The following PAX2 variants were observed in gnomAD, a reference collection of about 807,000 sequenced individuals.
The protein encoded by PAX2 is paired box protein Pax-2.
Under a neutral mutation model 41.7 loss-of-function variants are expected in PAX2, and 9 were observed. That is an observed-to-expected ratio of 0.22 (90% confidence interval 0.13 to 0.38). The LOEUF is 0.38. Among genes scored for constraint, PAX2 ranks in the 10% least tolerant of loss-of-function variants. PAX2 has a pLI of 1.00. For synonymous variants in PAX2, 221 were observed against 212.7 expected (o/e 1.04, Z -0.34); for missense variants, 418 against 531.6 (o/e 0.79, Z 2.10).
chr10:100,802,258 C>T (rs1181822979), intron 5 of PAX2, among the ~76,000 whole-genome samples: 1 of 152,186 alleles, frequency 6.6e-6, no homozygotes, highest in Non-Finnish European at 1.5e-5. Context: ...GACCAGCAGC[C>T]TCCAGCCCTC....
chr10:100,751,510 G>C (rs969926008), intron 3 of PAX2, among the ~76,000 whole-genome samples: 1 of 152,248 alleles, frequency 6.6e-6, no homozygotes, highest in Non-Finnish European at 1.5e-5. Flanking sequence ...GAGAACTCCA[G>C]ACTTTGAGAC....
At position 100,750,602 on chromosome 10, in the gene PAX2, G is replaced by T; in HGVS notation, c.213-92G>T. 8.7e-7 allele frequency: 1 copy of T among 1,147,250 alleles called. No individual in the cohort carries two copies. The highest frequency in any genetic ancestry group is 1.5e-5 in the African/African-American group (1 of 65,818). The allele number at this position is 1,147,250 out of a possible 1,614,324, so 71.1% of individuals were successfully genotyped here. A position where few individuals can be genotyped will look rare whatever the true frequency, so the allele number is the denominator to read the frequency against. On this transcript the variant is annotated intron_variant, in intron 2 of 9. Coordinates refer to ENST00000355243, the MANE Select transcript of PAX2 (RefSeq NM_000278.5). This position sits in a 1 kb window ranked among gnomAD's most constrained non-coding sequence, Gnocchi z 4.1. ...CCCTCCACTCCGCTGCCTCGGCCGG[G>T]CAGGAGAGTGGCTCAGCAGCTCTGG...
Position 100,809,051 on chromosome 10 carries a change from C to T in PAX2, c.793-59C>T, listed in dbSNP as rs184960110. 5.4e-3 allele frequency: 8,360 copies of T among 1,556,480 alleles called. 26 individuals carry two copies. The highest frequency in any genetic ancestry group is 6.7e-3 in the Non-Finnish European group (7,588 of 1,130,586). ...CTGTTCCTCCTCCCCATCTGCACAC[C>T]GAGCCCTTTCTCTGTGCGTGCATCA... On this transcript the variant is annotated intron_variant, in intron 6 of 9. Coordinates refer to ENST00000355243, the MANE Select transcript of PAX2 (RefSeq NM_000278.5).
At chr10:100,763,641 T>C (rs1320602553) in intron 3 of PAX2, among the ~76,000 whole-genome samples, 3 of 152,228 alleles carry the variant, frequency 2.0e-5, no homozygotes, top group African/African-American at 7.2e-5. Flanking sequence ...CTGGTTTCTC[T>C]AAGGGAGTCC....
At chr10:100,814,981 G>A (rs1196182704) in intron 7 of PAX2, among the ~76,000 whole-genome samples, 1 of 152,224 alleles carries the variant, frequency 6.6e-6, no homozygotes. Flanking sequence ...AGTGTGAGCA[G>A]TGTGGATGTA....
rs1848690094 is a variant in PAX2 at position 100,829,072 on chromosome 10, G to C, written c.*1453G>C. The C allele has an allele frequency of 4.4e-6, 1 of 229,762 alleles. No individual in the cohort carries two copies. Among genetic ancestry groups the C allele is most frequent in the African/African-American group, 2.2e-5 (1 of 45,054 alleles). The allele number at this position is 229,762 out of a possible 1,614,324, so 14.2% of individuals were successfully genotyped here. ...CATTAAAGCACAGCACGTCCTGGGGGAGGGGGGCATTTTTTATGTTACAAA... is the reference window on the plus strand; with the variant it reads ...CATTAAAGCACAGCACGTCCTGGGGCAGGGGGGCATTTTTTATGTTACAAA... On this transcript the variant is annotated 3_prime_UTR_variant, in exon 10 of 10. Transcript: ENST00000355243.
intron 3 of PAX2, among the ~76,000 whole-genome samples, chr10:100,773,309 G>A (rs1397562214): frequency 6.6e-6 from 1 of 152,082 alleles, no homozygotes; most frequent in Non-Finnish European, 1.5e-5. Flanking sequence ...CTCTCCTGAG[G>A]AAGCATTGCT....
chr10:100,779,672 C>T (rs7901210), intron 4 of PAX2, 89 bp downstream of exon 4: 2 of 1,032,498 alleles, frequency 1.9e-6, no homozygotes, highest in East Asian at 5.2e-5. Flanking sequence ...TGCCTGCCCG[C>T]TTGAGGTCCA....
intron 5 of PAX2, among the ~76,000 whole-genome samples, chr10:100,781,596 G>C (rs1233178038): frequency 2.0e-5 from 3 of 152,220 alleles, no homozygotes; most frequent in Admixed American, 1.3e-4. Context: ...CTGCCACTAG[G>C]GCTCACCCTA....
Position 100,752,804 on chromosome 10 carries a change from G to A in PAX2, c.410+1913G>A, listed in dbSNP as rs1008593159. Among the ~76,000 whole-genome samples, 7 of 152,292 alleles carry A rather than the reference G, an allele frequency of 4.6e-5. No homozygotes were observed. In the South Asian group the frequency reaches 1.2e-3, roughly 27 times the overall value. ...ACAACATGCACTCCTCATTGGCTGA[G>A]ATGATTTTGGAAGCTGGCTTAGGCA... On this transcript the variant is annotated intron_variant, in intron 3 of 9. Transcript: ENST00000355243.
Position 100,815,096 on chromosome 10 carries a change from C to G in PAX2, c.919+5860C>G, listed in dbSNP as rs1373035070. Among the ~76,000 whole-genome samples, 3 of 152,148 alleles carry G rather than the reference C, an allele frequency of 2.0e-5. No individual in the cohort carries two copies. The East Asian group carries it at 5.8e-4, about 29-fold the overall frequency. On this transcript the variant is annotated intron_variant, in intron 7 of 9. Transcript: ENST00000355243. ...AGATAGAGGTGTGGACCCTGGGAAA[C>G]CTCCTCCTCCTACTCAGGGCATCCT...
rs564959222 is a variant in PAX2, at chr10:100,814,225, G to A, written c.919+4989G>A. Among the ~76,000 whole-genome samples, 32 of 151,922 alleles carry A rather than the reference G, an allele frequency of 2.1e-4. 1 individual carries two copies. In the South Asian group the frequency reaches 4.8e-3, roughly 23 times the overall value. On this transcript the variant is annotated intron_variant, in intron 7 of 9. Coordinates refer to ENST00000355243, the MANE Select transcript of PAX2 (RefSeq NM_000278.5). ...AAATTAGCCGGGCGTGGTGGCAGGC[G>A]CCTGTAGTCCCAGCTACTTCGGAGG...
chr10:100,809,102 C>T lies in PAX2; in HGVS notation c.793-8C>T, dbSNP rs1847901072. On this transcript the variant is annotated splice_region_variant and splice_polypyrimidine_tract_variant and intron_variant, in intron 6 of 9. Coordinates refer to ENST00000355243, the MANE Select transcript of PAX2 (RefSeq NM_000278.5). ...ATAGAGAGCTGTCACTTTTCTCTCT[C>T]CTCCCAGGGGAACGAGTACTCCCTC... is the stretch of plus-strand genomic sequence containing the variant. 2.5e-6 allele frequency: 4 copies of T among 1,613,070 alleles called. No individual in the cohort carries two copies. Among genetic ancestry groups the T allele is most frequent in the African/African-American group, 2.7e-5 (2 of 74,938 alleles).
chr10:100,806,587 G>A lies in PAX2; in HGVS notation c.774G>A (p.Glu258=). The part of the protein sequence containing the change: ...PSYPDVFQAS[E]HIKSEQGNEY... ...ACCCTGACGTCTTCCAGGCATCAGAGCACATCAAATCAGAACAGGTGAGGA... is the reference window on the plus strand; with the variant it reads ...ACCCTGACGTCTTCCAGGCATCAGAACACATCAAATCAGAACAGGTGAGGA... The change falls in exon 6 of 10, where the codon GAG becomes GAA. Residue 258 remains glutamate, a synonymous_variant. Coordinates refer to ENST00000355243, the MANE Select transcript of PAX2 (RefSeq NM_000278.5). 1 of 1,614,010 alleles carries A rather than the reference G, an allele frequency of 6.2e-7. No individual in the cohort carries two copies. Among genetic ancestry groups the A allele is most frequent in the Non-Finnish European group, 8.5e-7 (1 of 1,180,010 alleles).
In PAX2 at chr10:100,753,971, A is replaced by T. The variant is rs540450265; in HGVS notation, c.410+3080A>T. Among the ~76,000 whole-genome samples the T allele has an allele frequency of 2.6e-5, 4 of 152,270 alleles. No homozygotes were observed. The South Asian group carries it at 8.3e-4, about 32-fold the overall frequency. ...CTTGACTGGGCTCCTTAGCATGTGG[A>T]ATTTATCTGAATCTTTCTAAACATT... On this transcript the variant is annotated intron_variant, in intron 3 of 9. Coordinates refer to ENST00000355243, the MANE Select transcript of PAX2 (RefSeq NM_000278.5).
At chr10:100,769,681 A>AAAAT (rs1435987946) in intron 3 of PAX2, among the ~76,000 whole-genome samples, 1 of 150,980 alleles carries the variant, frequency 6.6e-6, no homozygotes, top group Non-Finnish European at 1.5e-5. Context: ...AAAAAATAAA[A>AAAAT]AACAAAAAAC....
intron 3 of PAX2, among the ~76,000 whole-genome samples, chr10:100,772,544 G>A (rs1217887360): frequency 6.6e-6 from 1 of 152,222 alleles, no homozygotes; most frequent in African/African-American, 2.4e-5. Context: ...CCATTCGTCT[G>A]GCTTAGTGGG....
At chr10:100,814,462 G>A (rs1848120738) in intron 7 of PAX2, among the ~76,000 whole-genome samples, 1 of 151,156 alleles carries the variant, frequency 6.6e-6, no homozygotes, top group African/African-American at 2.4e-5. Flanking sequence ...GTCAGATAAT[G>A]GAGATCAAAA....
rs1848712673 is a variant in PAX2, at chr10:100,829,526, C to G, written c.*1907C>G. On this transcript the variant is annotated 3_prime_UTR_variant, in exon 10 of 10. Coordinates refer to ENST00000355243, the MANE Select transcript of PAX2 (RefSeq NM_000278.5). Reference sequence around the variant, plus strand: ...ATGTCTCCTCACCCGTGGATCGTGACGACTCGAAATAACAGAAACAAAGTC... The same window carrying G: ...ATGTCTCCTCACCCGTGGATCGTGAGGACTCGAAATAACAGAAACAAAGTC... 4.8e-6 allele frequency: 1 copy of G among 208,464 alleles called. No individual in the cohort carries two copies. Among genetic ancestry groups the G allele is most frequent in the African/African-American group, 2.3e-5 (1 of 43,928 alleles). 12.9% of individuals were successfully genotyped at this position (208,464 alleles called of 1,614,324 possible).
Sources: gnomAD v4.1 joint callset for allele counts (sites outside exome capture counted in the v4.1 genomes callset) on GRCh38, gnomAD v4.1.1 for gene constraint, Gnocchi (gnomAD v3.1) non-coding constraint, MANE v1.5 for transcripts, NCBI Gene and HGNC (gene_info 2026-07-23, HGNC 2026-07-21) for gene names.